TRIM16: variants seen among roughly 807,000 people sequenced by gnomAD.
TRIM16 encodes the protein tripartite motif containing 16.
A neutral mutation model predicts 50.4 loss-of-function variants in TRIM16; 33 were observed. That is an observed-to-expected ratio of 0.65 (90% CI 0.50 to 0.88). TRIM16 has a LOEUF of 0.88. TRIM16 is among the 40% of genes least tolerant of loss of function. TRIM16 has a pLI of 0.00. For synonymous variants in TRIM16, 229 were observed against 270.7 expected (o/e 0.85, Z 1.51); for missense variants, 581 against 686.8 (o/e 0.85, Z 1.72).
intron 3 of TRIM16, among the ~76,000 whole-genome samples, chr17:15,682,038 C>T (rs2151433087): frequency 6.6e-6 from 1 of 152,244 alleles, no homozygotes; most frequent in South Asian, 2.1e-4. Flanking sequence ...TTCTGGGCTT[C>T]ATTTCCTAAT....
chr17:15,678,300 A>G (rs1989034535), intron 4 of TRIM16, among the ~76,000 whole-genome samples: 3 of 152,210 alleles, frequency 2.0e-5, no homozygotes. Context: ...CAATAGAAAA[A>G]TAGCAAAATC....
chr17:15,653,280 C>T (rs1251378167), intron 6 of TRIM16, among the ~76,000 whole-genome samples: 4 of 152,194 alleles, frequency 2.6e-5, no homozygotes, highest in Non-Finnish European at 5.9e-5. Context: ...GATGCCAGCA[C>T]CATGCTTCTT....
chr17:15,646,782 G>T (rs145341552), intron 7 of TRIM16, among the ~76,000 whole-genome samples: 4 of 151,890 alleles, frequency 2.6e-5, no homozygotes, highest in Non-Finnish European at 4.4e-5. Context: ...GGAAGAACTA[G>T]AGTCCACCTG....
chr17:15,676,354 T>C (rs1323076563), intron 6 of TRIM16, among the ~76,000 whole-genome samples: 1 of 152,008 alleles, frequency 6.6e-6, no homozygotes, highest in Non-Finnish European at 1.5e-5. Flanking sequence ...AATTTGCTAC[T>C]TCTCCTGTGT....
chr17:15,639,785 AG>A (rs1362732711), intron 8 of TRIM16, among the ~76,000 whole-genome samples: 2 of 149,226 alleles, frequency 1.3e-5, no homozygotes, highest in Non-Finnish European at 3.0e-5. Flanking sequence ...GAACCAGGAA[AG>A]CTACCTGGGC....
intron 6 of TRIM16, among the ~76,000 whole-genome samples, chr17:15,656,580 C>T (rs879412710): frequency 6.6e-6 from 1 of 151,954 alleles, no homozygotes; most frequent in Non-Finnish European, 1.5e-5. Flanking sequence ...CTTATGTGCC[C>T]CAAAATACCA....
chr17:15,666,735 G>A (rs543090183), intron 6 of TRIM16, among the ~76,000 whole-genome samples: 71 of 152,344 alleles, frequency 4.7e-4, no homozygotes, highest in African/African-American at 1.5e-3. Flanking sequence ...GTCATGGTGC[G>A]TATCAGTAGC....
chr17:15,630,043 A>C (rs1986335196), intron 11 of TRIM16, among the ~76,000 whole-genome samples: 1 of 152,076 alleles, frequency 6.6e-6, no homozygotes, highest in African/African-American at 2.4e-5. Flanking sequence ...CCTTGCTCTT[A>C]TGATAAAGCA....
rs149055881 is a variant in TRIM16 at position 15,636,264 on chromosome 17, C to A, written c.621G>T (p.Ser207=). 3 of 1,608,428 alleles carry A rather than the reference C, an allele frequency of 1.9e-6. No homozygotes were observed. Among genetic ancestry groups the A allele is most frequent in the Non-Finnish European group, 2.5e-6 (3 of 1,178,056 alleles). ...LQANQKSVLV[S]VSEVKAVAEM... ...CAGCCACCGCTTTGACCTCTGACAC[C>A]GACACCTGGCAGGGGGTGGGGGTGG... is the stretch of plus-strand genomic sequence containing the variant. Residue 207 remains serine (S), a synonymous_variant, in exon 9 of 12, where the codon TCG becomes TCT. Transcript: ENST00000649191.
At chr17:15,659,702 T>C (rs1433676424) in intron 6 of TRIM16, among the ~76,000 whole-genome samples, 2 of 152,258 alleles carry the variant, frequency 1.3e-5, no homozygotes, top group Admixed American at 6.5e-5. Context: ...AAATGTTCTC[T>C]TGCCCTGGGA....
chr17:15,673,765 C>A (rs148901758), intron 6 of TRIM16, among the ~76,000 whole-genome samples: 3,449 of 152,264 alleles, frequency 0.023, 92 homozygotes, highest in African/African-American at 0.078. Flanking sequence ...TTATTAGGTA[C>A]ACATAAAATT....
At chr17:15,647,565 G>A (rs1389060610) in intron 7 of TRIM16, among the ~76,000 whole-genome samples, 5 of 152,182 alleles carry the variant, frequency 3.3e-5, no homozygotes, top group South Asian at 2.1e-4. Flanking sequence ...CACTGACCTC[G>A]CTCCCAGGGT....
At chr17:15,654,844 C>T (rs1597640619) in intron 6 of TRIM16, among the ~76,000 whole-genome samples, 1 of 152,286 alleles carries the variant, frequency 6.6e-6, no homozygotes, top group East Asian at 1.9e-4. Flanking sequence ...GTTAATCTGA[C>T]TGGGCCAGTG....
intron 4 of TRIM16, among the ~76,000 whole-genome samples, chr17:15,679,943 AAAAAAAAAG>A (rs1488692976): frequency 4.1e-4 from 62 of 151,718 alleles, no homozygotes; most frequent in African/African-American, 1.5e-3. Flanking sequence ...TCTCAAAAAA[AAAAAAAAAG>A]AAAAAAAGAA....
chr17:15,657,099 C>T (rs766704067), intron 6 of TRIM16, among the ~76,000 whole-genome samples: 6 of 152,098 alleles, frequency 3.9e-5, no homozygotes, highest in Non-Finnish European at 8.8e-5. Flanking sequence ...ATGGTCACCA[C>T]CCACATCTGG....
At chr17:15,658,720 G>T (rs75150725) in intron 6 of TRIM16, 36 of 849,754 alleles carry the variant, frequency 4.2e-5, no homozygotes, top group Non-Finnish European at 4.8e-5. Context: ...AATTTTTCTC[G>T]TAAAATCTCA....
At chr17:15,672,433 T>G (rs1988765703) in intron 6 of TRIM16, among the ~76,000 whole-genome samples, 1 of 150,046 alleles carries the variant, frequency 6.7e-6, no homozygotes, top group South Asian at 2.2e-4. Flanking sequence ...AAGAGAACCC[T>G]GTTATAGAAA....
At chr17:15,675,189 C>T (rs1988875988) in intron 6 of TRIM16, among the ~76,000 whole-genome samples, 1 of 152,130 alleles carries the variant, frequency 6.6e-6, no homozygotes, top group South Asian at 2.1e-4. Context: ...GATTTCAGTT[C>T]AGTGTTTCTT....
chr17:15,633,415 G>T (rs1329534890), intron 9 of TRIM16, among the ~76,000 whole-genome samples: 3 of 150,204 alleles, frequency 2.0e-5, no homozygotes, highest in Admixed American at 6.6e-5. Flanking sequence ...CATGACAAAA[G>T]TAGCATTTTA....
Sources: allele counts gnomAD v4.1 joint callset (sites outside exome capture counted in the v4.1 genomes callset), GRCh38; gene constraint gnomAD v4.1.1; transcripts MANE v1.5; gene names NCBI Gene and HGNC (gene_info 2026-07-23, HGNC 2026-07-21).